Variants in ELOVL4 observed in about 807,000 individuals in gnomAD.
ELOVL4 encodes very long chain fatty acid elongase 4.
ELOVL4 carries 18 observed loss-of-function variants against 42.1 expected under a neutral mutation model. That is an observed-to-expected ratio of 0.43 (90% confidence interval 0.30 to 0.63). The LOEUF (loss-of-function observed/expected upper bound fraction) is 0.63. ELOVL4 is among the 30% of genes least tolerant of loss of function. ELOVL4 has a pLI of 0.15. For missense variants in ELOVL4, 299 were observed against 376.2 expected (o/e 0.79, Z 1.70); for synonymous variants, 117 against 127.0 (o/e 0.92, Z 0.53).
At chr6:79,930,273 A>G (rs1416090401) in intron 1 of ELOVL4, among the ~76,000 whole-genome samples, 1 of 152,168 alleles carries the variant, frequency 6.6e-6, no homozygotes, top group Non-Finnish European at 1.5e-5. Flanking sequence ...TCAGCCTATA[A>G]AAGGCCACAT....
chr6:79,919,018 T>C (rs546233134), intron 5 of ELOVL4, among the ~76,000 whole-genome samples: 1 of 152,288 alleles, frequency 6.6e-6, no homozygotes, highest in Admixed American at 6.5e-5. Flanking sequence ...AAAACAAAAT[T>C]TTTAAGCAAG....
Position 79,921,708 on chromosome 6 carries a change from T to C in ELOVL4, c.458A>G (p.Gln153Arg). 6.2e-7 allele frequency: 1 copy of C among 1,613,946 alleles called. No homozygotes were observed. The highest frequency in any genetic ancestry group is 8.5e-7 in the Non-Finnish European group (1 of 1,179,890). ...VFFILRKKNNQVSFLHVYHHC... is the reference protein window; with the variant it reads ...VFFILRKKNNRVSFLHVYHHC... ...ATGATACACATGAAGGAAAGAAACTTGGTTGTTTTTCTTTCTCAGAATAAA... is the reference window on the plus strand; with the variant it reads ...ATGATACACATGAAGGAAAGAAACTCGGTTGTTTTTCTTTCTCAGAATAAA... Residue 153 changes from glutamine (Q) to arginine (R), a missense_variant, in exon 4 of 6, where the codon CAA becomes CGA. Transcript: ENST00000369816.
In ELOVL4 at chr6:79,937,549, C is replaced by T. The variant is rs888134394; in HGVS notation, c.100+9631G>A. ...TGGAAAATGGGGATAATAACGGTAC[C>T]GAGCCCAATGGAATATGAGGACTAA... is the stretch of plus-strand genomic sequence containing the variant. On this transcript the variant is annotated intron_variant, in intron 1 of 5. Coordinates refer to ENST00000369816, the MANE Select transcript of ELOVL4 (RefSeq NM_022726.4). Among the ~76,000 whole-genome samples the T allele has an allele frequency of 3.5e-4, 53 of 151,946 alleles. 1 individual carries two copies. The highest frequency in any genetic ancestry group is 2.9e-3 in the Admixed American group (44 of 15,242).
rs148057134 is a variant in ELOVL4, at chr6:79,937,087, C to A, written c.100+10093G>T. ...GGCAAAGAAGTCAGAATGTGATGGG[C>A]AGACAGGAGGGAACAGAGACCTTCA... On this transcript the variant is annotated intron_variant, in intron 1 of 5. Coordinates refer to ENST00000369816, the MANE Select transcript of ELOVL4 (RefSeq NM_022726.4). Among the ~76,000 whole-genome samples, 862 of 152,192 alleles carry A rather than the reference C, an allele frequency of 5.7e-3. 16 individuals are homozygous for A. Among genetic ancestry groups the A allele is most frequent in the Admixed American group, 0.032 (496 of 15,266 alleles).
At chr6:79,921,900 AT>A in intron 3 of ELOVL4, 104 bp from the exon 4 acceptor site, 1 of 1,110,422 alleles carries the variant, frequency 9.0e-7, no homozygotes, top group Non-Finnish European at 1.3e-6. Context: ...ATTGCACAAA[AT>A]GTACAAGGCA....
chr6:79,934,077 C>T (rs1011332954), intron 1 of ELOVL4, among the ~76,000 whole-genome samples: 6 of 152,154 alleles, frequency 3.9e-5, no homozygotes, highest in African/African-American at 1.4e-4. Flanking sequence ...ACTTTTGGGA[C>T]AGCTAGGTGG....
At chr6:79,938,813 A>G (rs239524) in intron 1 of ELOVL4, among the ~76,000 whole-genome samples, 43,167 of 152,140 alleles carry the variant, frequency 0.28, 8,285 homozygotes, top group African/African-American at 0.55. Context: ...GTAGATAACA[A>G]TAAAAGAAAA....
At chr6:79,938,962 A>G (rs1460676485) in intron 1 of ELOVL4, among the ~76,000 whole-genome samples, 1 of 152,228 alleles carries the variant, frequency 6.6e-6, no homozygotes, top group African/African-American at 2.4e-5. Flanking sequence ...ACCACCTACA[A>G]AAGTTACGTA....
chr6:79,925,801 T>C (rs1259613200), intron 2 of ELOVL4, among the ~76,000 whole-genome samples: 1 of 152,178 alleles, frequency 6.6e-6, no homozygotes, highest in Non-Finnish European at 1.5e-5. Flanking sequence ...ATAAGAATTA[T>C]AAATAAATAG....
At chr6:79,936,119 C>T (rs1774538723) in intron 1 of ELOVL4, among the ~76,000 whole-genome samples, 1 of 152,182 alleles carries the variant, frequency 6.6e-6, no homozygotes, top group African/African-American at 2.4e-5. Context: ...CCGAATAAAT[C>T]AGCCACTTCC....
chr6:79,940,053 C>T (rs1453470341), intron 1 of ELOVL4, among the ~76,000 whole-genome samples: 7 of 152,126 alleles, frequency 4.6e-5, no homozygotes, highest in African/African-American at 1.7e-4. Context: ...AATAATGCTG[C>T]TATGTACGTG....
At chr6:79,921,583 T>C (rs746276823) in intron 4 of ELOVL4, 42 bp downstream of exon 4, 9 of 1,553,692 alleles carry the variant, frequency 5.8e-6, no homozygotes, top group East Asian at 2.4e-5. Flanking sequence ...TGAACACATA[T>C]ATGCAATTAA....
chr6:79,938,403 C>A (rs1160490671), intron 1 of ELOVL4, among the ~76,000 whole-genome samples: 1 of 152,182 alleles, frequency 6.6e-6, no homozygotes, highest in East Asian at 1.9e-4. Context: ...TAGCCAAAAT[C>A]TTCCCTTGAC....
At chr6:79,926,052 A>C (rs1774337344) in intron 2 of ELOVL4, 142 bp downstream of exon 2, 1 of 800,358 alleles carries the variant, frequency 1.2e-6, no homozygotes, top group South Asian at 1.8e-5. Context: ...TTGTTATTCA[A>C]AAGTGAAAAA....
chr6:79,916,703 T>C lies in ELOVL4; in HGVS notation c.850A>G (p.Asn284Asp). The stretch of plus-strand genomic sequence containing the variant: ...CTCACACCATTTGCTGAAATACCAT[T>C]CATGGCTGTTTTTCCAGCTTTTGGT... ...KKPKAGKTAM[N>D]GISANGVSKS... The change falls in exon 6 of 6, where the codon AAT becomes GAT. Residue 284 changes from asparagine (N) to aspartate (D), a missense_variant. Asn to Asp is a conservative substitution (Grantham distance 23, BLOSUM62 1). Transcript: ENST00000369816. 6.2e-7 allele frequency: 1 copy of C among 1,614,220 alleles called. No individual in the cohort carries two copies. Among genetic ancestry groups the C allele is most frequent in the Non-Finnish European group, 8.5e-7 (1 of 1,180,040 alleles).
intron 4 of ELOVL4, 93 bp downstream of exon 4, chr6:79,921,532 G>C: frequency 1.2e-6 from 1 of 846,844 alleles, no homozygotes; most frequent in Non-Finnish European, 1.9e-6. Context: ...CAAGTTAAAT[G>C]GTAGATCAAG....
At chr6:79,927,432 C>T (rs17238479) in intron 1 of ELOVL4, among the ~76,000 whole-genome samples, 5,117 of 152,086 alleles carry the variant, frequency 0.034, 117 homozygotes, top group Non-Finnish European at 0.052. Flanking sequence ...ATGAATTTAA[C>T]TTAATTGTTG....
chr6:79,917,946 G>T (rs1380137333), intron 5 of ELOVL4, among the ~76,000 whole-genome samples: 4 of 152,098 alleles, frequency 2.6e-5, no homozygotes, highest in Non-Finnish European at 5.9e-5. Flanking sequence ...TGATTAAAAT[G>T]AAATAGATTC....
intron 3 of ELOVL4, among the ~76,000 whole-genome samples, chr6:79,922,561 C>T (rs1436374821): frequency 6.6e-6 from 1 of 152,166 alleles, no homozygotes; most frequent in Non-Finnish European, 1.5e-5. Context: ...CCTACTGTAA[C>T]AGTAAACCAA....
Sources: allele counts gnomAD v4.1 joint callset (sites outside exome capture counted in the v4.1 genomes callset), GRCh38; gene constraint gnomAD v4.1.1; transcripts MANE v1.5; gene names NCBI Gene and HGNC (gene_info 2026-07-23, HGNC 2026-07-21).